Variants in C2orf80 observed in about 807,000 individuals in gnomAD.
C2orf80 encodes chromosome 2 open reading frame 80.
In C2orf80, 28 loss-of-function variants were observed where a neutral mutation model predicts 30.2. The ratio of observed to expected loss-of-function variants is 0.93; its 90% CI spans 0.69 to 1.27. C2orf80 has a LOEUF of 1.27. C2orf80 is among the 50% of genes most tolerant of loss of function. The pLI is 0.00. For synonymous variants in C2orf80, 80 were observed against 76.4 expected (o/e 1.05, Z -0.24); for missense variants, 220 against 231.0 (o/e 0.95, Z 0.31).
chr2:208,187,531 G>A (rs1696753118), intron 1 of C2orf80, among the ~76,000 whole-genome samples: 1 of 152,028 alleles, frequency 6.6e-6, no homozygotes, highest in South Asian at 2.1e-4. Flanking sequence ...AGAAAATATG[G>A]TTATGGGAAA....
intron 6 of C2orf80, among the ~76,000 whole-genome samples, chr2:208,178,650 A>G (rs1696444693): frequency 6.6e-6 from 1 of 152,100 alleles, no homozygotes; most frequent in South Asian, 2.1e-4. Context: ...GTGGTGATGC[A>G]TGCCTGTAAT....
At chr2:208,167,574 T>C (rs1485772597) in intron 8 of C2orf80, among the ~76,000 whole-genome samples, 2 of 150,844 alleles carry the variant, frequency 1.3e-5, no homozygotes. Context: ...ACACTGAGGG[T>C]TTTGTTTGTT....
rs1369496834 is a variant in C2orf80 at position 208,171,036 on chromosome 2, TTTG to T, written c.479_481del (p.Thr160del). ...TGCAGAGATGCTGGTGGCATTTTTA[TTTG>T]TTGTTACCTTTCTTGACTTGACACC... On this transcript the variant is annotated inframe_deletion, in exon 8 of 9. Coordinates refer to ENST00000341287, the MANE Select transcript of C2orf80 (RefSeq NM_001099334.3). The T allele has an allele frequency of 6.2e-7, 1 of 1,614,096 alleles. No homozygotes were observed. Among genetic ancestry groups the T allele is most frequent in the Non-Finnish European group, 8.5e-7 (1 of 1,179,928 alleles).
chr2:208,168,939 C>G (rs547204821), intron 8 of C2orf80, among the ~76,000 whole-genome samples: 2 of 151,374 alleles, frequency 1.3e-5, no homozygotes, highest in South Asian at 4.2e-4. Flanking sequence ...AGAACCGTCA[C>G]CTAAGGACTA....
At chr2:208,169,496 C>T (rs911933896) in intron 8 of C2orf80, among the ~76,000 whole-genome samples, 2 of 151,962 alleles carry the variant, frequency 1.3e-5, no homozygotes, top group African/African-American at 4.8e-5. Context: ...CTTTGGGGGG[C>T]TGAGGCAGGA....
At chr2:208,174,517 C>T (rs976128494) in intron 6 of C2orf80, among the ~76,000 whole-genome samples, 7 of 152,124 alleles carry the variant, frequency 4.6e-5, no homozygotes, top group African/African-American at 1.7e-4. Flanking sequence ...ATGGAAGGTC[C>T]CCTGGTGCCA....
At chr2:208,167,919 A>G (rs1276050465) in intron 8 of C2orf80, among the ~76,000 whole-genome samples, 3 of 146,746 alleles carry the variant, frequency 2.0e-5, no homozygotes, top group Non-Finnish European at 3.0e-5. Context: ...CTCTTACTCT[A>G]TGAAGAAATT....
At chr2:208,178,129 T>C (rs41474550) in intron 6 of C2orf80, among the ~76,000 whole-genome samples, 10,678 of 152,100 alleles carry the variant, frequency 0.07, 1,279 homozygotes, top group East Asian at 0.57. Context: ...TCTAGCAACT[T>C]TAAATGAACC....
At position 208,182,997 on chromosome 2, in the gene C2orf80, T is replaced by G. The variant is rs181306749; in HGVS notation, c.174A>C (p.Ser58=). Residue 58 remains serine, a synonymous_variant, in exon 4 of 9, where the codon TCA becomes TCC. Coordinates refer to ENST00000341287, the MANE Select transcript of C2orf80 (RefSeq NM_001099334.3). ...CCCACTCCAGCCAAGTTAAGTCTTC[T>G]GAGGGATCCAGCCATTGCAAAGCAA... ...ISVALQWLDP[S]EDLTWLEWEE... 43 of 1,614,056 alleles carry G rather than the reference T, an allele frequency of 2.7e-5. No homozygotes were observed. The African/African-American group carries it at 5.7e-4, about 22-fold the overall frequency.
intron 2 of C2orf80, among the ~76,000 whole-genome samples, chr2:208,185,510 A>C (rs558603930): frequency 6.6e-6 from 1 of 152,336 alleles, no homozygotes; most frequent in Non-Finnish European, 1.5e-5. Context: ...GGAATGCATA[A>C]AAACTTATTA....
intron 5 of C2orf80, 95 bp from the exon 6 acceptor site, chr2:208,180,911 C>T: frequency 1.8e-6 from 2 of 1,084,344 alleles, no homozygotes; most frequent in Non-Finnish European, 1.4e-6. Context: ...ATGTCTAAAA[C>T]TGTGCTTGGG....
intron 8 of C2orf80, among the ~76,000 whole-genome samples, chr2:208,167,645 C>T (rs1370873543): frequency 3.3e-5 from 5 of 152,044 alleles, no homozygotes; most frequent in South Asian, 2.1e-4. Context: ...GGTGCAATCT[C>T]GGCTTAGTAC....
At chr2:208,178,462 G>A (rs1696437583) in intron 6 of C2orf80, among the ~76,000 whole-genome samples, 1 of 152,096 alleles carries the variant, frequency 6.6e-6, no homozygotes, top group South Asian at 2.1e-4. Flanking sequence ...AAGACAAGCA[G>A]GAATAAAGCA....
At chr2:208,179,130 C>T (rs77444948) in intron 6 of C2orf80, among the ~76,000 whole-genome samples, 7 of 152,112 alleles carry the variant, frequency 4.6e-5, no homozygotes, top group Non-Finnish European at 1.0e-4. Flanking sequence ...TACAATTATA[C>T]TGAATGAACA....
rs757102714 is a variant in C2orf80 at position 208,186,960 on chromosome 2, T to C, written c.27A>G (p.Glu9=). 4 of 1,614,074 alleles carry C rather than the reference T, an allele frequency of 2.5e-6. No individual in the cohort carries two copies. Among genetic ancestry groups the C allele is most frequent in the South Asian group, 1.1e-5 (1 of 91,078 alleles). The part of the protein sequence containing the change: MERRLIKK[E]MKKLLGDYIG... ...GTCATACTTACAAGAGCTTTTTCAT[T>C]TCCTTCTTTATGAGCCTTCTTTCCA... The change falls in exon 2 of 9, where the codon GAA becomes GAG. Residue 9 remains glutamate, a synonymous_variant. Coordinates refer to ENST00000341287, the MANE Select transcript of C2orf80 (RefSeq NM_001099334.3).
At chr2:208,172,934 T>G (rs1223748432) in intron 6 of C2orf80, among the ~76,000 whole-genome samples, 1 of 151,616 alleles carries the variant, frequency 6.6e-6, no homozygotes, top group African/African-American at 2.4e-5. Context: ...CTGGCCAACA[T>G]GGCAAAACCC....
intron 2 of C2orf80, among the ~76,000 whole-genome samples, chr2:208,186,481 C>T (rs1303480165): frequency 6.6e-6 from 1 of 152,094 alleles, no homozygotes; most frequent in Admixed American, 6.6e-5. Flanking sequence ...TTTCTGTGTT[C>T]GTTTTAAAAA....
chr2:208,169,687 T>C (rs1574355531), intron 8 of C2orf80, among the ~76,000 whole-genome samples: 2 of 139,548 alleles, frequency 1.4e-5, no homozygotes, highest in African/African-American at 2.7e-5. Flanking sequence ...CACTCGAGTG[T>C]GGGTGACAGA....
At chr2:208,169,506 A>G (rs985023747) in intron 8 of C2orf80, among the ~76,000 whole-genome samples, 1 of 152,028 alleles carries the variant, frequency 6.6e-6, no homozygotes, top group Non-Finnish European at 1.5e-5. Flanking sequence ...CTGAGGCAGG[A>G]GTTTGAGACC....
Sources: gnomAD v4.1 joint callset for allele counts (sites outside exome capture counted in the v4.1 genomes callset) on GRCh38, gnomAD v4.1.1 for gene constraint, MANE v1.5 for transcripts, NCBI Gene and HGNC (gene_info 2026-07-23, HGNC 2026-07-21) for gene names.